BIRC7: variants seen among roughly 807,000 people sequenced by gnomAD.
BIRC7 encodes baculoviral IAP repeat-containing protein 7.
A neutral mutation model predicts 33.2 loss-of-function variants in BIRC7; 26 were observed. That is an observed-to-expected ratio of 0.78 (90% confidence interval 0.57 to 1.09). The LOEUF (loss-of-function observed/expected upper bound fraction) is 1.09. Ranked by LOEUF, BIRC7 falls within the 50% of genes least tolerant of loss-of-function variation. The pLI, the probability that BIRC7 is intolerant of heterozygous loss-of-function variation, is 0.00. For missense variants in BIRC7, 409 were observed against 401.2 expected (o/e 1.02, Z -0.17); for synonymous variants, 176 against 171.0 (o/e 1.03, Z -0.23).
rs1447950413 is a variant in BIRC7, at chr20:63,239,236, G to A, written c.649+3G>A. The A allele has an allele frequency of 8.3e-6, 13 of 1,574,958 alleles. No individual in the cohort carries two copies. In the East Asian group the frequency reaches 2.8e-4, roughly 34 times the overall value. On this transcript the variant is annotated splice_donor_region_variant and intron_variant, in intron 5 of 6. Transcript: ENST00000217169. ...GTCTGAAAGTGCCCAGGAGCCAGGT[G>A]CAGGCCCGGGACCCCCTGGGTGAGG...
In BIRC7 at chr20:63,236,100, G is replaced by C; in HGVS notation, c.4G>C (p.Gly2Arg). 1 of 1,543,786 alleles carries C rather than the reference G, an allele frequency of 6.5e-7. No homozygotes were observed. Among genetic ancestry groups the C allele is most frequent in the Non-Finnish European group, 8.8e-7 (1 of 1,136,656 alleles). Residue 2 changes from glycine (G) to arginine (R), a missense_variant, in exon 1 of 7, where the codon GGA (glycine) becomes CGA (arginine). Physicochemically the swap from Gly to Arg is moderately radical, Grantham distance 125. Coordinates refer to ENST00000217169, the MANE Select transcript of BIRC7 (RefSeq NM_139317.3). ...GGTCAGAGCCAGTGTTCCCTCCATGGGACCTAAAGACAGTGCCAAGTGCCT... is the reference window on the plus strand; with the variant it reads ...GGTCAGAGCCAGTGTTCCCTCCATGCGACCTAAAGACAGTGCCAAGTGCCT... MGPKDSAKCLHR... is the reference protein window; with the variant it reads MRPKDSAKCLHR...
At chr20:63,238,339 C>T (rs956356857) in intron 2 of BIRC7, 57 bp from the exon 3 acceptor site, 16 of 1,597,224 alleles carry the variant, frequency 1.0e-5, no homozygotes, top group Non-Finnish European at 1.4e-5. Context: ...GATCCAAGGG[C>T]TTGAAGCAGA....
At chr20:63,237,335 G>A (rs1404976357) in intron 1 of BIRC7, among the ~76,000 whole-genome samples, 1 of 152,214 alleles carries the variant, frequency 6.6e-6, no homozygotes, top group Non-Finnish European at 1.5e-5. Flanking sequence ...GCTGGTAGAG[G>A]TCCAGTGCCC....
intron 5 of BIRC7, 48 bp from the exon 6 acceptor site, chr20:63,239,310 A>C (rs776545168): frequency 6.2e-7 from 1 of 1,604,798 alleles, no homozygotes; most frequent in Non-Finnish European, 8.5e-7. Flanking sequence ...TGGCCCATAG[A>C]GGGTGGGGGC....
At chr20:63,240,173 C>T (rs6122406) in intron 6 of BIRC7, 83 bp from the exon 7 acceptor site, 26,115 of 154,806 alleles carry the variant, frequency 0.17, 2,363 homozygotes, top group East Asian at 0.34. Flanking sequence ...AGTGGTCGGG[C>T]AGGGAACTCT....
chr20:63,239,123 T>A, intron 4 of BIRC7, 39 bp from the exon 5 acceptor site: 1 of 1,597,358 alleles, frequency 6.3e-7, no homozygotes, highest in Non-Finnish European at 8.6e-7. Flanking sequence ...AGCTTTCTCC[T>A]TGGGAGTTAG....
chr20:63,236,291 G>C lies in BIRC7; in HGVS notation c.195G>C (p.Glu65Asp), dbSNP rs2066687930. 1.9e-6 allele frequency: 3 copies of C among 1,611,406 alleles called. No homozygotes were observed. Among genetic ancestry groups the C allele is most frequent in the Non-Finnish European group, 2.5e-6 (3 of 1,179,346 alleles). ...ILGQLRPLTE[E>D]EEEEGAGATL... ...GCCAGCTGCGGCCCCTGACAGAGGA[G>C]GAAGAGGAGGAGGGCGCCGGGGCCA... is the stretch of plus-strand genomic sequence containing the variant. The change falls in exon 1 of 7, where the codon GAG becomes GAC. Residue 65 changes from glutamate (E) to aspartate (D), a missense_variant. By Grantham distance (45) the Glu-to-Asp change is conservative (BLOSUM62 2). Transcript: ENST00000217169.
Position 63,238,562 on chromosome 20 carries a change from C to A in BIRC7, c.532-7C>A, listed in dbSNP as rs1261342722. The A allele has an allele frequency of 6.2e-7, 1 of 1,613,162 alleles. No homozygotes were observed. The highest frequency in any genetic ancestry group is 1.1e-5 in the South Asian group (1 of 91,088). On this transcript the variant is annotated splice_region_variant and splice_polypyrimidine_tract_variant and intron_variant, in intron 3 of 6. Coordinates refer to ENST00000217169, the MANE Select transcript of BIRC7 (RefSeq NM_139317.3). ...CCCAAGGCCTGATGGTCTCTGGCTC[C>A]TTCCAGGACCCGTGGGAAGAACCGG...
At chr20:63,238,718 G>C (rs1358774756) in intron 4 of BIRC7, 104 bp downstream of exon 4, 2 of 1,476,100 alleles carry the variant, frequency 1.4e-6, no homozygotes, top group East Asian at 2.3e-5. Context: ...GGAGAGTGAC[G>C]GGCACGTGAC....
chr20:63,239,739 C>T (rs2066722210), intron 6 of BIRC7, 129 bp downstream of exon 6: 1 of 1,277,442 alleles, frequency 7.8e-7, no homozygotes, highest in Non-Finnish European at 1.0e-6. Flanking sequence ...TACCCGGCTC[C>T]CAGGTCCCGC....
chr20:63,239,348 G>C lies in BIRC7; in HGVS notation c.650-10G>C. 1 of 1,602,424 alleles carries C rather than the reference G, an allele frequency of 6.2e-7. No homozygotes were observed. The highest frequency in any genetic ancestry group is 8.5e-7 in the Non-Finnish European group (1 of 1,179,468). On this transcript the variant is annotated splice_polypyrimidine_tract_variant and intron_variant, in intron 5 of 6. Coordinates refer to ENST00000217169, the MANE Select transcript of BIRC7 (RefSeq NM_139317.3). ...GGGTGTGGGGACATTTCGCAGGCCT[G>C]TCCTCCTAGGAGGGGTCAGTCCAGC... is the stretch of plus-strand genomic sequence containing the variant.
intron 1 of BIRC7, 90 bp downstream of exon 1, chr20:63,236,535 C>G (rs531419489): frequency 6.9e-7 from 1 of 1,438,926 alleles, no homozygotes; most frequent in South Asian, 1.5e-5. Flanking sequence ...TCCGTAGCAT[C>G]CATCCCCCAA....
chr20:63,239,009 G>C (rs2066711823), intron 4 of BIRC7, among the ~76,000 whole-genome samples, 153 bp from the exon 5 acceptor site: 1 of 152,184 alleles, frequency 6.6e-6, no homozygotes, highest in Non-Finnish European at 1.5e-5. Flanking sequence ...GTTATGCTGT[G>C]GGAGGGGTGG....
chr20:63,238,738 C>A, intron 4 of BIRC7, 124 bp downstream of exon 4: 1 of 1,363,800 alleles, frequency 7.3e-7, no homozygotes, highest in Middle Eastern at 1.8e-4. Context: ...CAGGGTGTGA[C>A]GCTGCTGCCT....
intron 6 of BIRC7, 79 bp downstream of exon 6, chr20:63,239,689 C>CTTCCCGGGTGG: frequency 6.9e-7 from 1 of 1,458,530 alleles, no homozygotes; most frequent in Non-Finnish European, 9.1e-7. Flanking sequence ...CCTCCTGAAC[C>CTTCCCGGGTGG]CATGCAGGCC....
intron 4 of BIRC7, 166 bp downstream of exon 4, chr20:63,238,780 G>T: frequency 1.1e-6 from 1 of 937,812 alleles, no homozygotes; most frequent in Non-Finnish European, 1.6e-6. Context: ...GCCATGTGAG[G>T]GTGGGGGCGG....
chr20:63,238,499 G>T, intron 3 of BIRC7, 22 bp downstream of exon 3: 2 of 1,612,992 alleles, frequency 1.2e-6, no homozygotes, highest in Non-Finnish European at 1.7e-6. Flanking sequence ...CTCTCCTCGG[G>T]GCTCCGGGTG....
intron 4 of BIRC7, among the ~76,000 whole-genome samples, 160 bp from the exon 5 acceptor site, chr20:63,239,002 A>T (rs979698288): frequency 3.9e-5 from 6 of 152,112 alleles, no homozygotes; most frequent in Non-Finnish European, 8.8e-5. Context: ...GGATCCTGTT[A>T]TGCTGTGGGA....
intron 2 of BIRC7, 38 bp from the exon 3 acceptor site, chr20:63,238,358 G>A (rs1451407922): frequency 4.1e-5 from 66 of 1,607,630 alleles, no homozygotes; most frequent in Non-Finnish European, 5.2e-5. Context: ...GACAGTGGGG[G>A]CCCTGAACCC....
Sources: gnomAD v4.1 joint callset for allele counts (sites outside exome capture counted in the v4.1 genomes callset) on GRCh38, gnomAD v4.1.1 for gene constraint, MANE v1.5 for transcripts, NCBI Gene and HGNC (gene_info 2026-07-23, HGNC 2026-07-21) for gene names.